Variants in PDE3B observed in about 807,000 individuals in gnomAD.
The protein encoded by PDE3B is phosphodiesterase 3B, also known as cGMP-inhibited 3',5'-cyclic phosphodiesterase 3B.
In PDE3B, 66 loss-of-function variants were observed where a neutral mutation model predicts 116.8. That is an observed-to-expected ratio of 0.56 (90% CI 0.46 to 0.69). The LOEUF is 0.69. Ranked by LOEUF, PDE3B falls within the 30% of genes least tolerant of loss-of-function variation. The pLI is 0.00. For synonymous variants in PDE3B, 595 were observed against 533.6 expected, an observed-to-expected ratio of 1.12 and a Z score of -1.59; for missense variants, 1,384 against 1,368.1, an observed-to-expected ratio of 1.01 and a Z score of -0.18.
intron 7 of PDE3B, among the ~76,000 whole-genome samples, chr11:14,819,756 T>C (rs549172303): frequency 2.1e-4 from 32 of 152,158 alleles, no homozygotes; most frequent in East Asian, 7.7e-4. Context: ...TTAAAAAAAA[T>C]CTACTTGAAG....
intron 1 of PDE3B, among the ~76,000 whole-genome samples, chr11:14,685,686 C>G (rs1467607294): frequency 1.3e-5 from 2 of 151,992 alleles, no homozygotes; most frequent in Non-Finnish European, 2.9e-5. Flanking sequence ...GAACTCCTGA[C>G]CTCAGGTGAT....
At chr11:14,886,215 A>G in the PDE3B span, 1 of 371,812 alleles carries the variant, frequency 2.7e-6, no homozygotes, top group Admixed American at 4.0e-5. Context: ...TAAACAGATA[A>G]AAGACTCTGA....
intron 12 of PDE3B, among the ~76,000 whole-genome samples, chr11:14,852,444 C>G (rs995205525): frequency 2.0e-5 from 3 of 152,186 alleles, no homozygotes; most frequent in Non-Finnish European, 1.5e-5. Flanking sequence ...TGTTAACTGT[C>G]TCACATGAAG....
At chr11:14,664,440 G>T (rs1854054123) in intron 1 of PDE3B, among the ~76,000 whole-genome samples, 1 of 152,086 alleles carries the variant, frequency 6.6e-6, no homozygotes, top group Non-Finnish European at 1.5e-5. Flanking sequence ...AGGAAATAGA[G>T]TCACAAAAAA....
Position 14,786,696 on chromosome 11 carries a change from A to G in PDE3B, c.1278+11A>G, listed in dbSNP as rs1219443374. Reference sequence around the variant, plus strand: ...AGAAAACTTAACAAGGTCGAAATACAGTAATCATCTAACCCTATTTATCAA... The same window carrying G: ...AGAAAACTTAACAAGGTCGAAATACGGTAATCATCTAACCCTATTTATCAA... On this transcript the variant is annotated intron_variant, in intron 3 of 15. Transcript: ENST00000282096. The G allele has an allele frequency of 1.9e-6, 3 of 1,595,530 alleles. No individual in the cohort carries two copies. Among genetic ancestry groups the G allele is most frequent in the African/African-American group, 1.3e-5 (1 of 74,460 alleles).
At chr11:14,709,595 T>C (rs958419417) in intron 1 of PDE3B, among the ~76,000 whole-genome samples, 7 of 152,196 alleles carry the variant, frequency 4.6e-5, no homozygotes, top group African/African-American at 1.7e-4. Flanking sequence ...CTAGTGTGAA[T>C]TCGGATTACA....
chr11:14,891,036 A>G, the PDE3B span: 2 of 985,224 alleles, frequency 2.0e-6, no homozygotes, highest in African/African-American at 1.7e-5. Context: ...TGCCTTCTTC[A>G]CCGCTAGCGT....
intron 1 of PDE3B, among the ~76,000 whole-genome samples, chr11:14,723,715 T>C (rs1385955920): frequency 1.3e-5 from 2 of 151,904 alleles, no homozygotes; most frequent in Non-Finnish European, 2.9e-5. Flanking sequence ...TGAGCTATGA[T>C]TGGGCCACTG....
At chr11:14,784,868 G>T (rs1858142806) in intron 2 of PDE3B, among the ~76,000 whole-genome samples, 1 of 152,064 alleles carries the variant, frequency 6.6e-6, no homozygotes, top group African/African-American at 2.4e-5. Context: ...CAGTAAATTT[G>T]TGATTTGTTC....
At chr11:14,716,235 G>C (rs1184115701) in intron 1 of PDE3B, among the ~76,000 whole-genome samples, 1 of 152,220 alleles carries the variant, frequency 6.6e-6, no homozygotes, top group African/African-American at 2.4e-5. Flanking sequence ...GGCGCACCAC[G>C]AGACTATATC....
Position 14,867,634 on chromosome 11 carries a change from T to C in PDE3B, c.3015T>C (p.Ala1005=). The C allele has an allele frequency of 6.2e-7, 1 of 1,614,134 alleles. No homozygotes were observed. Among genetic ancestry groups the C allele is most frequent in the South Asian group, 1.1e-5 (1 of 91,080 alleles). The change falls in exon 15 of 16, where the codon GCT becomes GCC. Residue 1005 remains alanine, a synonymous_variant. Transcript: ENST00000282096. ...IVGPLCNSYD[A]AGLLPGQWLE... ...GTCCCCTGTGTAACTCCTATGATGC[T>C]GCTGGTTTGCTACCAGGTCAGTGGT...
intron 1 of PDE3B, among the ~76,000 whole-genome samples, chr11:14,758,428 A>G (rs1857258453): frequency 1.4e-5 from 2 of 142,796 alleles, no homozygotes; most frequent in Admixed American, 7.1e-5. Context: ...GATTCTTCCT[A>G]CCCATGAGCA....
chr11:14,810,547 T>A (rs1859094627), intron 5 of PDE3B, among the ~76,000 whole-genome samples: 1 of 152,082 alleles, frequency 6.6e-6, no homozygotes, highest in African/African-American at 2.4e-5. Context: ...TGTGCCACAT[T>A]TTCTTCATCC....
chr11:14,880,672 T>A, the PDE3B span: 2 of 1,597,708 alleles, frequency 1.3e-6, no homozygotes, highest in Admixed American at 3.6e-5. Context: ...GATTTTAGAT[T>A]CAAAAGACTT....
chr11:14,833,507 T>C (rs1859962667), intron 10 of PDE3B, among the ~76,000 whole-genome samples: 1 of 152,172 alleles, frequency 6.6e-6, no homozygotes, highest in African/African-American at 2.4e-5. Context: ...TTTATCTTTT[T>C]AAAAGTTAGT....
At chr11:14,846,950 G>A (rs1847618375) in intron 12 of PDE3B, among the ~76,000 whole-genome samples, 1 of 152,078 alleles carries the variant, frequency 6.6e-6, no homozygotes, top group Non-Finnish European at 1.5e-5. Context: ...AAGTTAACAA[G>A]GATACCCAGG....
At chr11:14,828,734 T>C (rs2133960068) in intron 7 of PDE3B, among the ~76,000 whole-genome samples, 1 of 152,316 alleles carries the variant, frequency 6.6e-6, no homozygotes, top group East Asian at 1.9e-4. Flanking sequence ...AGTTCGGTCA[T>C]TGTGGTAGAC....
At chr11:14,782,122 A>G (rs1027877764) in intron 2 of PDE3B, among the ~76,000 whole-genome samples, 2 of 152,220 alleles carry the variant, frequency 1.3e-5, no homozygotes, top group Non-Finnish European at 2.9e-5. Context: ...GACCTCTTCA[A>G]GGAGAACTAC....
At chr11:14,676,010 A>G (rs1275881660) in intron 1 of PDE3B, among the ~76,000 whole-genome samples, 1 of 152,150 alleles carries the variant, frequency 6.6e-6, no homozygotes, top group Non-Finnish European at 1.5e-5. Flanking sequence ...GCAATATATG[A>G]GAGTTCCAGT....
Sources: gnomAD v4.1 joint callset for allele counts (sites outside exome capture counted in the v4.1 genomes callset) on GRCh38, gnomAD v4.1.1 for gene constraint, MANE v1.5 for transcripts, NCBI Gene and HGNC (gene_info 2026-07-23, HGNC 2026-07-21) for gene names.